The following EPHA3 variants were observed in gnomAD, a reference collection of about 807,000 sequenced individuals.
EPHA3 encodes the protein EPH receptor A3.
EPHA3 carries 42 observed loss-of-function variants against 107.1 expected under a neutral mutation model. The ratio of observed to expected loss-of-function variants is 0.39; its 90% confidence interval spans 0.31 to 0.51. The LOEUF (loss-of-function observed/expected upper bound fraction) is 0.51. Ranked by LOEUF, EPHA3 falls within the 20% of genes least tolerant of loss-of-function variation. The pLI is 0.78. For synonymous variants in EPHA3, 461 were observed against 424.8 expected, an observed-to-expected ratio of 1.09 and a Z score of -1.05; for missense variants, 1,183 against 1,211.2, an observed-to-expected ratio of 0.98 and a Z score of 0.35.
At chr3:89,180,626 T>C (rs531253608) in intron 2 of EPHA3, among the ~76,000 whole-genome samples, 12 of 152,090 alleles carry the variant, frequency 7.9e-5, no homozygotes, top group African/African-American at 2.9e-4. Flanking sequence ...TATAAGGCCA[T>C]AGAAGGTTAA....
chr3:89,437,156 T>C (rs1709688470), intron 13 of EPHA3, among the ~76,000 whole-genome samples: 1 of 152,318 alleles, frequency 6.6e-6, no homozygotes, highest in Middle Eastern at 3.4e-3. Context: ...GGATGACAGA[T>C]TGAAAGCCAC....
At chr3:89,313,538 A>G (rs1706817599) in intron 3 of EPHA3, among the ~76,000 whole-genome samples, 1 of 152,014 alleles carries the variant, frequency 6.6e-6, no homozygotes, top group African/African-American at 2.4e-5. Context: ...AGTGATTTCA[A>G]TGTTTATCTG....
intron 5 of EPHA3, among the ~76,000 whole-genome samples, chr3:89,360,624 A>G (rs761873527): frequency 1.5e-4 from 22 of 150,714 alleles, no homozygotes; most frequent in Non-Finnish European, 3.0e-4. Flanking sequence ...CATTGCTACC[A>G]CCCTAGTAGC....
intron 5 of EPHA3, among the ~76,000 whole-genome samples, chr3:89,378,785 T>C (rs550244835): frequency 2.9e-4 from 44 of 152,224 alleles, no homozygotes; most frequent in Non-Finnish European, 5.7e-4. Flanking sequence ...TTTTTAGCTT[T>C]ACTTATGAAA....
At chr3:89,115,851 C>T (rs774909677) in intron 1 of EPHA3, among the ~76,000 whole-genome samples, 1 of 152,164 alleles carries the variant, frequency 6.6e-6, no homozygotes, top group African/African-American at 2.4e-5. Context: ...TTCTCCTAGA[C>T]ACAAATGACT....
intron 2 of EPHA3, among the ~76,000 whole-genome samples, chr3:89,139,445 A>G (rs879505506): frequency 1.3e-5 from 2 of 151,834 alleles, no homozygotes; most frequent in African/African-American, 2.4e-5. Flanking sequence ...GCCATTTCTT[A>G]AGTTGAATTA....
At chr3:89,170,452 C>T (rs1176111537) in intron 2 of EPHA3, among the ~76,000 whole-genome samples, 2 of 152,068 alleles carry the variant, frequency 1.3e-5, no homozygotes, top group Non-Finnish European at 2.9e-5. Context: ...GCTCTCTGTC[C>T]TGATGGAAAT....
intron 10 of EPHA3, among the ~76,000 whole-genome samples, chr3:89,418,966 T>G (rs1386207431): frequency 1.3e-5 from 2 of 151,346 alleles, no homozygotes; most frequent in African/African-American, 4.8e-5. Flanking sequence ...GTGTCGTACT[T>G]TAAAGTATAT....
intron 3 of EPHA3, among the ~76,000 whole-genome samples, chr3:89,281,008 TTTATTTA>T (rs1559630772): frequency 0.017 from 2,540 of 149,600 alleles, 51 homozygotes; most frequent in African/African-American, 0.053. Context: ...ATTTTTATTA[TTTATTTA>T]TTTATTTATT....
chr3:89,300,131 T>A (rs908088467), intron 3 of EPHA3, among the ~76,000 whole-genome samples: 13 of 152,028 alleles, frequency 8.6e-5, no homozygotes, highest in South Asian at 6.2e-4. Context: ...CTTTATTATT[T>A]AGCTACTCAG....
chr3:89,279,412 T>A (rs1342490652), intron 3 of EPHA3, among the ~76,000 whole-genome samples: 1 of 152,172 alleles, frequency 6.6e-6, no homozygotes, highest in Non-Finnish European at 1.5e-5. Context: ...TAACTTATGT[T>A]TGCCATCATT....
intron 2 of EPHA3, among the ~76,000 whole-genome samples, chr3:89,176,229 C>T (rs1705317247): frequency 6.6e-6 from 1 of 152,028 alleles, no homozygotes; most frequent in Admixed American, 6.6e-5. Context: ...CAACTGTAAT[C>T]ACAGCACTTC....
intron 9 of EPHA3, 112 bp from the exon 10 acceptor site, chr3:89,413,029 G>A (rs1162510458): frequency 7.2e-7 from 1 of 1,396,078 alleles, no homozygotes; most frequent in Non-Finnish European, 9.8e-7. Flanking sequence ...ACTGAAGGTT[G>A]TGCACCTTAT....
intron 3 of EPHA3, among the ~76,000 whole-genome samples, chr3:89,225,946 A>G (rs1445165854): frequency 6.6e-6 from 1 of 152,114 alleles, no homozygotes; most frequent in African/African-American, 2.4e-5. Context: ...GTAAACTCTG[A>G]GTGTTCACAG....
intron 2 of EPHA3, among the ~76,000 whole-genome samples, chr3:89,187,221 A>G (rs1705587668): frequency 6.6e-6 from 1 of 150,622 alleles, no homozygotes; most frequent in Non-Finnish European, 1.5e-5. Flanking sequence ...AAAAGCAAAC[A>G]TATTTATAAT....
chr3:89,132,137 T>A (rs1450233884), intron 2 of EPHA3, among the ~76,000 whole-genome samples: 2 of 152,166 alleles, frequency 1.3e-5, no homozygotes, highest in African/African-American at 2.4e-5. Flanking sequence ...CATCATTTCC[T>A]CCGTTTGGGC....
chr3:89,472,589 C>A lies in EPHA3; in HGVS notation c.2816C>A (p.Ser939Tyr), dbSNP rs1237470958. The A allele has an allele frequency of 6.2e-7, 1 of 1,612,684 alleles. No homozygotes were observed. The highest frequency in any genetic ancestry group is 8.5e-7 in the Non-Finnish European group (1 of 1,179,204). ...KEIFTGVEYS[S>Y]CDTIAKISTD... ...ATCTTCACGGGTGTGGAGTACAGTT[C>A]TTGTGACACAATAGCCAAGATTTCC... The change falls in exon 16 of 17, where the codon TCT (serine) becomes TAT (tyrosine). Residue 939 changes from serine to tyrosine, a missense_variant. Coordinates refer to ENST00000336596, the MANE Select transcript of EPHA3 (RefSeq NM_005233.6).
chr3:89,132,052 G>A (rs1319779605), intron 2 of EPHA3, among the ~76,000 whole-genome samples: 1 of 152,170 alleles, frequency 6.6e-6, no homozygotes, highest in Non-Finnish European at 1.5e-5. Context: ...TGTAAGTAAA[G>A]CCAATGAGAC....
At chr3:89,419,143 T>C in intron 10 of EPHA3, 62 bp from the exon 11 acceptor site, 1 of 1,470,138 alleles carries the variant, frequency 6.8e-7, no homozygotes, top group Non-Finnish European at 9.1e-7. Flanking sequence ...ACAGTTGCTC[T>C]CTACTGATGA....
Sources: gnomAD v4.1 joint callset for allele counts (sites outside exome capture counted in the v4.1 genomes callset) on GRCh38, gnomAD v4.1.1 for gene constraint, MANE v1.5 for transcripts, NCBI Gene and HGNC (gene_info 2026-07-23, HGNC 2026-07-21) for gene names.